NAT10: variants seen among roughly 807,000 people sequenced by gnomAD.
The protein encoded by NAT10 is RNA cytidine acetyltransferase.
NAT10 carries 109 observed loss-of-function variants against 132.2 expected under a neutral mutation model. The ratio of observed to expected loss-of-function variants is 0.82; its 90% confidence interval spans 0.71 to 0.97. NAT10 has a LOEUF of 0.97. NAT10 is among the 50% of genes least tolerant of loss of function. The pLI is 0.00. For synonymous variants in NAT10, 479 were observed against 478.0 expected, an observed-to-expected ratio of 1.00 and a Z score of -0.03; for missense variants, 1,184 against 1,263.4, an observed-to-expected ratio of 0.94 and a Z score of 0.95.
chr11:34,129,006 A>T (rs537589390), intron 12 of NAT10, among the ~76,000 whole-genome samples: 1 of 152,226 alleles, frequency 6.6e-6, no homozygotes, highest in Non-Finnish European at 1.5e-5. Context: ...ATAGTATTCT[A>T]TTGTATAGAT....
rs1172168747 is a variant in NAT10, at chr11:34,124,299, C to G, written c.1009-3C>G. On this transcript the variant is annotated splice_polypyrimidine_tract_variant and splice_region_variant and intron_variant, in intron 10 of 28. Coordinates refer to ENST00000257829, the MANE Select transcript of NAT10 (RefSeq NM_024662.3). Reference sequence around the variant, plus strand: ...GTTTGTCATTGGTTTGACTCCCCACCAGGAACATCTGGATTATGAGATTAT... The same window carrying G: ...GTTTGTCATTGGTTTGACTCCCCACGAGGAACATCTGGATTATGAGATTAT... The G allele has an allele frequency of 1.2e-6, 2 of 1,602,110 alleles. No individual in the cohort carries two copies. The highest frequency in any genetic ancestry group is 1.7e-5 in the Admixed American group (1 of 58,736).
In NAT10 at chr11:34,136,970, CTT is replaced by C; in HGVS notation, c.2163-6_2163-5del. ...ACACAGTGACCTACTGTCTTTGTAT[CTT>C]TGCAGGTTCTGGAAACGAGCTGGAT... On this transcript the variant is annotated splice_polypyrimidine_tract_variant and splice_region_variant and intron_variant, in intron 20 of 28. Coordinates refer to ENST00000257829, the MANE Select transcript of NAT10 (RefSeq NM_024662.3). 1 of 1,614,176 alleles carries C rather than the reference CTT, an allele frequency of 6.2e-7. No homozygotes were observed. Among genetic ancestry groups the C allele is most frequent in the Admixed American group, 1.7e-5 (1 of 60,010 alleles).
At chr11:34,140,109 G>A (rs570559078) in intron 23 of NAT10, among the ~76,000 whole-genome samples, 1 of 152,350 alleles carries the variant, frequency 6.6e-6, no homozygotes, top group Admixed American at 6.5e-5. Context: ...GGGAAAGAGT[G>A]TAGTTGTGTT....
intron 26 of NAT10, 28 bp from the exon 27 acceptor site, chr11:34,142,247 T>TAA (rs1852348816): frequency 6.2e-7 from 1 of 1,608,416 alleles, no homozygotes; most frequent in Non-Finnish European, 8.5e-7. Flanking sequence ...GACTCTGACT[T>TAA]AGTCTCTTTA....
intron 4 of NAT10, among the ~76,000 whole-genome samples, chr11:34,112,702 C>G (rs1851715975): frequency 6.6e-6 from 1 of 152,234 alleles, no homozygotes; most frequent in Non-Finnish European, 1.5e-5. Context: ...AAACCCCTCA[C>G]TTTACCTCTC....
At chr11:34,129,200 C>T (rs1036858790) in intron 12 of NAT10, among the ~76,000 whole-genome samples, 4 of 152,128 alleles carry the variant, frequency 2.6e-5, no homozygotes, top group Non-Finnish European at 4.4e-5. Flanking sequence ...TTAGACCATG[C>T]GAGGAGCTGC....
intron 13 of NAT10, 109 bp from the exon 14 acceptor site, chr11:34,131,272 C>T (rs1257718181): frequency 2.1e-6 from 3 of 1,427,756 alleles, no homozygotes; most frequent in Non-Finnish European, 2.8e-6. Flanking sequence ...TACCACACGT[C>T]TCTGGCCACC....
intron 26 of NAT10, 107 bp from the exon 27 acceptor site, chr11:34,142,168 G>A: frequency 9.6e-7 from 1 of 1,044,748 alleles, no homozygotes; most frequent in Non-Finnish European, 1.5e-6. Flanking sequence ...TGGAAGAGAA[G>A]GAAATGTTTT....
rs765834494 is a variant in NAT10 at position 34,143,463 on chromosome 11, C to T, written c.2904C>T (p.Asp968=). Residue 968 remains aspartate (D), a synonymous_variant, in exon 28 of 29, where the codon GAC becomes GAT. Coordinates refer to ENST00000257829, the MANE Select transcript of NAT10 (RefSeq NM_024662.3). ...MDLSEYIIRG[D]DEEWNEVLNK... ...TTTTTAGATACATAATCCGTGGGGA[C>T]GATGAAGAGTGGAATGAAGTTTTGA... is the stretch of plus-strand genomic sequence containing the variant. 12 of 1,613,780 alleles carry T rather than the reference C, an allele frequency of 7.4e-6. No individual in the cohort carries two copies. Among genetic ancestry groups the T allele is most frequent in the Admixed American group, 3.3e-5 (2 of 59,990 alleles).
intron 28 of NAT10, 93 bp downstream of exon 28, chr11:34,143,621 G>A: frequency 1.7e-6 from 2 of 1,207,790 alleles, no homozygotes; most frequent in Non-Finnish European, 2.3e-6. Flanking sequence ...GGAGGTTGGA[G>A]CAAAAGCTTT....
chr11:34,145,542 G>T (rs186076826), intron 28 of NAT10, among the ~76,000 whole-genome samples: 1 of 152,134 alleles, frequency 6.6e-6, no homozygotes, highest in Non-Finnish European at 1.5e-5. Flanking sequence ...AGAATCCAGG[G>T]GCTGGTCGCA....
chr11:34,113,765 T>C lies in NAT10; in HGVS notation c.422T>C (p.Val141Ala). Residue 141 changes from valine to alanine, a missense_variant, in exon 5 of 29, where the codon GTG (valine) becomes GCG (alanine). Physicochemically the swap from Val to Ala is moderately conservative, Grantham distance 64. Transcript: ENST00000257829. ...PNLLARTVET[V>A]EGGGLVVILL... ...TTGCTGGCCAGGACTGTAGAAACAG[T>C]GGAAGGTGGTGGGCTAGTGGTCATC... 1.2e-6 allele frequency: 2 copies of C among 1,612,754 alleles called. No individual in the cohort carries two copies. The highest frequency in any genetic ancestry group is 2.2e-5 in the South Asian group (2 of 91,036).
At position 34,113,725 on chromosome 11, in the gene NAT10, G is replaced by A; in HGVS notation, c.382G>A (p.Ala128Thr). The change falls in exon 5 of 29, where the codon GCC (alanine) becomes ACC (threonine). Residue 128 changes from alanine to threonine, a missense_variant. Physicochemically the swap from Ala to Thr is moderately conservative, Grantham distance 58 (BLOSUM62 0). Coordinates refer to ENST00000257829, the MANE Select transcript of NAT10 (RefSeq NM_024662.3). The part of the protein sequence containing the change: ...FGMCVLQDFE[A>T]LTPNLLARTV... The stretch of plus-strand genomic sequence containing the variant: ...CGCCCCCTTCTTCCAGGATTTTGAA[G>A]CCTTAACTCCAAACTTGCTGGCCAG... 1 of 1,611,864 alleles carries A rather than the reference G, an allele frequency of 6.2e-7. No homozygotes were observed. Among genetic ancestry groups the A allele is most frequent in the Non-Finnish European group, 8.5e-7 (1 of 1,179,106 alleles).
chr11:34,111,942 TA>T (rs1851701819), intron 3 of NAT10, 109 bp from the exon 4 acceptor site: 11 of 1,319,136 alleles, frequency 8.3e-6, no homozygotes, highest in Non-Finnish European at 1.2e-5. Context: ...TCAAGTTCCC[TA>T]CTAGCTCTGA....
intron 5 of NAT10, among the ~76,000 whole-genome samples, chr11:34,114,614 A>C (rs1242794086): frequency 6.6e-6 from 1 of 152,132 alleles, no homozygotes; most frequent in Non-Finnish European, 1.5e-5. Flanking sequence ...CACTCCTGCG[A>C]GGGCCTCGGC....
At chr11:34,142,071 T>C (rs1852344558) in intron 26 of NAT10, 1 of 629,946 alleles carries the variant, frequency 1.6e-6, no homozygotes, top group African/African-American at 1.8e-5. Context: ...AAATGTTTTG[T>C]CTTTTTTGGT....
Position 34,123,765 on chromosome 11 carries a change from C to A in NAT10, c.918C>A (p.Tyr306Ter). 6.3e-7 allele frequency: 1 copy of A among 1,587,278 alleles called. No homozygotes were observed. The highest frequency in any genetic ancestry group is 8.7e-7 in the Non-Finnish European group (1 of 1,155,900). Residue 306 changes from tyrosine to a stop codon, truncating the protein, a stop_gained, in exon 10 of 29, where the codon TAC becomes TAA. Transcript: ENST00000257829. LOFTEE classifies it high-confidence loss of function. ...LAIAGAVAFGYSNIFVTSPSP... is the reference protein window; with the variant it reads ...LAIAGAVAFG Reference sequence around the variant, plus strand: ...CTTCTTTTATTTTGTTCTGTAGGTACTCCAATATCTTTGTTACCTCCCCAA... The same window carrying A: ...CTTCTTTTATTTTGTTCTGTAGGTAATCCAATATCTTTGTTACCTCCCCAA...
intron 28 of NAT10, among the ~76,000 whole-genome samples, chr11:34,144,718 A>G (rs370073475): frequency 1.3e-5 from 2 of 152,126 alleles, no homozygotes; most frequent in East Asian, 1.9e-4. Flanking sequence ...TTAGGCTGGA[A>G]CCTTCATCAG....
At chr11:34,125,440 C>T (rs1252688724) in intron 11 of NAT10, among the ~76,000 whole-genome samples, 1 of 152,200 alleles carries the variant, frequency 6.6e-6, no homozygotes, top group Non-Finnish European at 1.5e-5. Context: ...TCTTTTGTCT[C>T]CAGTGTGAGC....
Sources: allele counts gnomAD v4.1 joint callset (sites outside exome capture counted in the v4.1 genomes callset), GRCh38; gene constraint gnomAD v4.1.1; transcripts MANE v1.5; gene names NCBI Gene and HGNC (gene_info 2026-07-23, HGNC 2026-07-21).